The following MALL variants were observed in gnomAD, a reference collection of about 807,000 sequenced individuals.
MALL encodes the protein mal, T cell differentiation protein like.
In MALL, 2 loss-of-function variants were observed where a neutral mutation model predicts 10.3. The observed-to-expected ratio is 0.19, with a 90% CI of 0.08 to 0.61. MALL has a LOEUF of 0.61. MALL is among the 20% of genes least tolerant of loss of function. The pLI is 0.88. For synonymous variants in MALL, 27 were observed against 51.8 expected, an observed-to-expected ratio of 0.52 and a Z score of 2.05; for missense variants, 39 against 115.2, an observed-to-expected ratio of 0.34 and a Z score of 3.03.
At chr2:110,099,325 T>C (rs1678512989) in intron 1 of MALL, among the ~76,000 whole-genome samples, 2 of 152,288 alleles carry the variant, frequency 1.3e-5, no homozygotes, top group African/African-American at 4.8e-5. Context: ...TCTGAGCATG[T>C]CAATGACTGT....
At chr2:110,097,222 C>T (rs138687914) in intron 1 of MALL, among the ~76,000 whole-genome samples, 2 of 151,680 alleles carry the variant, frequency 1.3e-5, no homozygotes, top group Non-Finnish European at 2.9e-5. Flanking sequence ...AATGCATGTG[C>T]GAGTGTCTGT....
At chr2:110,101,837 A>G (rs1392892336) in intron 1 of MALL, among the ~76,000 whole-genome samples, 1 of 151,714 alleles carries the variant, frequency 6.6e-6, no homozygotes. Context: ...TTGTCTCTTA[A>G]AAAAAAAGGA....
At chr2:110,106,316 T>C (rs1413369044) in intron 1 of MALL, among the ~76,000 whole-genome samples, 2 of 152,120 alleles carry the variant, frequency 1.3e-5, no homozygotes, top group African/African-American at 4.8e-5. Flanking sequence ...CCTCGTATCA[T>C]ACAGGTAATG....
At chr2:110,106,034 G>A (rs1678680052) in intron 1 of MALL, among the ~76,000 whole-genome samples, 2 of 152,196 alleles carry the variant, frequency 1.3e-5, no homozygotes, top group African/African-American at 4.8e-5. Context: ...TAATGTGCTG[G>A]TGAGTTAAGC....
intron 1 of MALL, among the ~76,000 whole-genome samples, chr2:110,099,992 C>T (rs149983804): frequency 6.6e-6 from 1 of 152,194 alleles, no homozygotes; most frequent in Non-Finnish European, 1.5e-5. Context: ...GCGGGTCGCC[C>T]ATACCCCTCA....
intron 1 of MALL, among the ~76,000 whole-genome samples, chr2:110,105,795 C>G (rs1309683227): frequency 6.6e-6 from 1 of 152,118 alleles, no homozygotes; most frequent in Admixed American, 6.5e-5. Flanking sequence ...ATTTCTTCTC[C>G]CAGCCCCACC....
intron 1 of MALL, among the ~76,000 whole-genome samples, chr2:110,099,647 A>C (rs925615207): frequency 4.6e-5 from 7 of 152,118 alleles, no homozygotes; most frequent in Non-Finnish European, 7.4e-5. Context: ...GTCACTGCCC[A>C]TGCCATTAGG....
upstream of MALL, among the ~76,000 whole-genome samples, chr2:110,117,498 C>A (rs1247269193): frequency 6.6e-6 from 1 of 151,730 alleles, no homozygotes; most frequent in Non-Finnish European, 1.5e-5. Flanking sequence ...TGAAGATATG[C>A]CTTGGTCTTC....
At chr2:110,094,934 G>A (rs1678411099) in intron 1 of MALL, among the ~76,000 whole-genome samples, 1 of 102,552 alleles carries the variant, frequency 9.8e-6, no homozygotes, top group South Asian at 4.1e-4. Context: ...AACAGGCCAG[G>A]GGCCTCTGAG....
chr2:110,107,626 G>A (rs1678723430), intron 1 of MALL, among the ~76,000 whole-genome samples: 1 of 152,116 alleles, frequency 6.6e-6, no homozygotes, highest in Admixed American at 6.5e-5. Context: ...AAGACAAAGG[G>A]CATATAATCT....
intron 1 of MALL, chr2:110,097,693 TG>T (rs5833366): frequency 0.17 from 59,858 of 353,762 alleles, 6,651 homozygotes; most frequent in Non-Finnish European, 0.22. Flanking sequence ...GGTGTGGGTT[TG>T]GGGTGGGGCA....
chr2:110,117,457 C>T (rs777793222), upstream of MALL, among the ~76,000 whole-genome samples: 4 of 152,082 alleles, frequency 2.6e-5, no homozygotes, highest in Non-Finnish European at 4.4e-5. Flanking sequence ...GAGCCATTTC[C>T]ACCTTCTGAA....
At chr2:110,095,063 A>G (rs1678413085) in intron 1 of MALL, among the ~76,000 whole-genome samples, 1 of 148,654 alleles carries the variant, frequency 6.7e-6, no homozygotes, top group Admixed American at 6.7e-5. Flanking sequence ...TCTACCTCCT[A>G]AACAGGAGGA....
At chr2:110,116,120 C>G (rs930885440), upstream of MALL, 1 of 248,538 alleles carries the variant, frequency 4.0e-6, no homozygotes, top group African/African-American at 2.2e-5. Flanking sequence ...AGCCACTCCC[C>G]TGGGCCCAGA....
intron 1 of MALL, chr2:110,097,459 G>C: frequency 2.2e-6 from 1 of 456,490 alleles, no homozygotes; most frequent in Non-Finnish European, 4.4e-6. Context: ...AATGGGAAGA[G>C]ATAAGGAGGA....
At chr2:110,102,635 ACAGACCGG>A (rs1559031309) in intron 1 of MALL, among the ~76,000 whole-genome samples, 1 of 152,200 alleles carries the variant, frequency 6.6e-6, no homozygotes, top group Non-Finnish European at 1.5e-5. Context: ...TGGCCTAGCC[ACAGACCGG>A]CATTCCTGCC....
intron 1 of MALL, among the ~76,000 whole-genome samples, chr2:110,099,573 T>C (rs1678518185): frequency 6.6e-6 from 1 of 152,146 alleles, no homozygotes; most frequent in African/African-American, 2.4e-5. Context: ...CAGAGAGAGT[T>C]CTCTCATTAC....
At chr2:110,102,839 C>T (rs1389294372) in intron 1 of MALL, among the ~76,000 whole-genome samples, 1 of 152,124 alleles carries the variant, frequency 6.6e-6, no homozygotes, top group African/African-American at 2.4e-5. Flanking sequence ...CCCTTGTCAT[C>T]CTGAGATGCC....
chr2:110,098,360 A>G (rs543463879), intron 1 of MALL, among the ~76,000 whole-genome samples: 1 of 151,998 alleles, frequency 6.6e-6, no homozygotes, highest in Non-Finnish European at 1.5e-5. Flanking sequence ...GAAACTCTGT[A>G]CCCATTAAAC....
Sources: allele counts gnomAD v4.1 joint callset (sites outside exome capture counted in the v4.1 genomes callset), GRCh38; gene constraint gnomAD v4.1.1; transcripts MANE v1.5; gene names NCBI Gene and HGNC (gene_info 2026-07-23, HGNC 2026-07-21).